The following TRPM3 variants were observed in gnomAD, a reference collection of about 807,000 sequenced individuals.
The protein encoded by TRPM3 is transient receptor potential cation channel subfamily M member 3.
In TRPM3, 77 loss-of-function variants were observed where a neutral mutation model predicts 181.2. The ratio of observed to expected loss-of-function variants is 0.42; its 90% confidence interval spans 0.35 to 0.51. TRPM3 has a LOEUF of 0.51. Among genes scored for constraint, TRPM3 ranks in the 20% least tolerant of loss-of-function variants. The pLI, the probability that TRPM3 is intolerant of heterozygous loss-of-function variation, is 0.01. For synonymous variants in TRPM3, 745 were observed against 796.4 expected, an observed-to-expected ratio of 0.94 and a Z score of 1.09; for missense variants, 1,759 against 2,196.7, an observed-to-expected ratio of 0.80 and a Z score of 3.98.
At chr9:70,901,270 C>T (rs1589649639) in intron 1 of TRPM3, among the ~76,000 whole-genome samples, 1 of 152,132 alleles carries the variant, frequency 6.6e-6, no homozygotes, top group East Asian at 1.9e-4. Context: ...TCCTTGGACA[C>T]AAGTAGATTA....
At chr9:71,356,171 A>G (rs2091890240) in intron 1 of TRPM3, among the ~76,000 whole-genome samples, 1 of 152,182 alleles carries the variant, frequency 6.6e-6, no homozygotes. Flanking sequence ...AGCCCTGTAT[A>G]TCATATGCTT....
At chr9:70,674,609 G>C (rs2063623106) in intron 9 of TRPM3, among the ~76,000 whole-genome samples, 1 of 151,986 alleles carries the variant, frequency 6.6e-6, no homozygotes, top group Non-Finnish European at 1.5e-5. Flanking sequence ...GCCCAGCCTG[G>C]AGTGCAATGG....
chr9:71,407,295 C>A (rs560668699), intron 1 of TRPM3, among the ~76,000 whole-genome samples: 3 of 152,240 alleles, frequency 2.0e-5, no homozygotes, highest in Admixed American at 6.5e-5. Flanking sequence ...CCGGGAAGTA[C>A]AAGGGGTTGG....
intron 1 of TRPM3, among the ~76,000 whole-genome samples, chr9:70,992,468 T>C (rs1050425461): frequency 6.6e-6 from 1 of 152,172 alleles, no homozygotes; most frequent in Non-Finnish European, 1.5e-5. Flanking sequence ...CTGGGTACTG[T>C]CTGGGGATTC....
At chr9:71,036,773 C>T (rs1226540215) in intron 1 of TRPM3, among the ~76,000 whole-genome samples, 1 of 152,194 alleles carries the variant, frequency 6.6e-6, no homozygotes, top group African/African-American at 2.4e-5. Context: ...AAAACGACAG[C>T]ATGGAAAACC....
chr9:71,423,512 A>T (rs1050886964), intron 1 of TRPM3, among the ~76,000 whole-genome samples: 5 of 152,062 alleles, frequency 3.3e-5, no homozygotes, highest in African/African-American at 1.2e-4. Flanking sequence ...GTCTTCCCAA[A>T]CTGAAGCCTG....
At chr9:70,789,072 T>C (rs1387725850) in intron 6 of TRPM3, among the ~76,000 whole-genome samples, 1 of 152,118 alleles carries the variant, frequency 6.6e-6, no homozygotes, top group Non-Finnish European at 1.5e-5. Flanking sequence ...TCTTTCTTGT[T>C]TTTTTTTCTG....
At chr9:71,223,983 A>C (rs2080411476) in intron 1 of TRPM3, among the ~76,000 whole-genome samples, 1 of 152,232 alleles carries the variant, frequency 6.6e-6, no homozygotes, top group Admixed American at 6.5e-5. Context: ...AAAGGGAAGA[A>C]CACAAATCTG....
intron 1 of TRPM3, among the ~76,000 whole-genome samples, chr9:71,046,993 T>A (rs2059514217): frequency 6.6e-6 from 1 of 152,232 alleles, no homozygotes; most frequent in Non-Finnish European, 1.5e-5. Flanking sequence ...TAGTCTTACC[T>A]TTGTAATCCC....
At chr9:71,315,818 G>T (rs1220423217) in intron 1 of TRPM3, among the ~76,000 whole-genome samples, 1 of 152,032 alleles carries the variant, frequency 6.6e-6, no homozygotes, top group Admixed American at 6.6e-5. Flanking sequence ...TTAAAAACTA[G>T]AGCAAAATCT....
At chr9:70,793,973 G>A (rs2086330437) in intron 6 of TRPM3, among the ~76,000 whole-genome samples, 1 of 152,154 alleles carries the variant, frequency 6.6e-6, no homozygotes, top group African/African-American at 2.4e-5. Context: ...TGTTTGGCAA[G>A]TTGTGTATTA....
intron 7 of TRPM3, among the ~76,000 whole-genome samples, chr9:70,763,196 T>G (rs1027813151): frequency 1.3e-5 from 2 of 152,090 alleles, no homozygotes; most frequent in Non-Finnish European, 2.9e-5. Context: ...TCCTACAAAG[T>G]GTATATTCTA....
chr9:70,742,819 C>T (rs868251726), intron 8 of TRPM3, among the ~76,000 whole-genome samples: 3 of 152,098 alleles, frequency 2.0e-5, no homozygotes, highest in South Asian at 4.2e-4. Flanking sequence ...GAGGCTTTAT[C>T]AGTTGTAGTC....
At chr9:70,930,884 T>C (rs1025415990) in intron 1 of TRPM3, among the ~76,000 whole-genome samples, 1 of 151,896 alleles carries the variant, frequency 6.6e-6, no homozygotes, top group African/African-American at 2.4e-5. Context: ...GAGAAAAAAA[T>C]AAAAATAAAT....
At chr9:71,045,747 AAG>A (rs769422666) in intron 1 of TRPM3, among the ~76,000 whole-genome samples, 1 of 152,216 alleles carries the variant, frequency 6.6e-6, no homozygotes, top group Non-Finnish European at 1.5e-5. Context: ...AACACAGGCT[AAG>A]AGACTCAGAA....
chr9:70,923,083 A>T (rs1420359314), intron 1 of TRPM3, among the ~76,000 whole-genome samples: 1 of 152,154 alleles, frequency 6.6e-6, no homozygotes, highest in Non-Finnish European at 1.5e-5. Flanking sequence ...TATAAAAGAT[A>T]GCGCCTATCC....
At chr9:71,060,014 GA>G (rs1209685315) in intron 1 of TRPM3, among the ~76,000 whole-genome samples, 2 of 152,074 alleles carry the variant, frequency 1.3e-5, no homozygotes, top group African/African-American at 4.8e-5. Flanking sequence ...GGTTTGACCT[GA>G]GAGCTGTATA....
chr9:70,757,633 T>C (rs1472284389), intron 8 of TRPM3, among the ~76,000 whole-genome samples: 1 of 152,186 alleles, frequency 6.6e-6, no homozygotes, highest in Non-Finnish European at 1.5e-5. Flanking sequence ...AGAAAGCTTA[T>C]CCACCACGAT....
intron 1 of TRPM3, among the ~76,000 whole-genome samples, chr9:71,291,981 TACA>T (rs2085852231): frequency 6.6e-6 from 1 of 151,972 alleles, no homozygotes; most frequent in Non-Finnish European, 1.5e-5. Context: ...GTTCTTTTAC[TACA>T]ACAATTAAGT....
Sources: gnomAD v4.1 joint callset for allele counts (sites outside exome capture counted in the v4.1 genomes callset) on GRCh38, gnomAD v4.1.1 for gene constraint, MANE v1.5 for transcripts, NCBI Gene and HGNC (gene_info 2026-07-23, HGNC 2026-07-21) for gene names.